Variants in C1orf94 observed in about 807,000 individuals in gnomAD.
The protein encoded by C1orf94 is chromosome 1 open reading frame 94, also known as uncharacterized protein C1orf94.
C1orf94 carries 45 observed loss-of-function variants against 53.6 expected under a neutral mutation model. The ratio of observed to expected loss-of-function variants is 0.84; its 90% CI spans 0.66 to 1.08. The LOEUF (loss-of-function observed/expected upper bound fraction) is 1.08. Among genes scored for constraint, C1orf94 ranks in the 50% least tolerant of loss-of-function variants. The pLI is 0.00. For synonymous variants in C1orf94, 304 were observed against 296.1 expected (o/e 1.03, Z -0.27); for missense variants, 762 against 738.9 (o/e 1.03, Z -0.36).
At chr1:34,170,034 G>A (rs559546927) in intron 1 of C1orf94, among the ~76,000 whole-genome samples, 6 of 152,238 alleles carry the variant, frequency 3.9e-5, no homozygotes, top group African/African-American at 1.2e-4. Context: ...CTTCATTTGT[G>A]TATAAGGAAA....
intron 6 of C1orf94, among the ~76,000 whole-genome samples, chr1:34,213,847 T>A (rs1265888695): frequency 2.6e-5 from 4 of 151,902 alleles, no homozygotes; most frequent in African/African-American, 7.2e-5. Context: ...AGCATCCACA[T>A]CCTTTTAAAA....
At chr1:34,175,963 A>G (rs773186418), upstream of C1orf94, among the ~76,000 whole-genome samples, 1 of 152,066 alleles carries the variant, frequency 6.6e-6, no homozygotes, top group African/African-American at 2.4e-5. Context: ...ATTTTCCATC[A>G]GAGTCCCATT....
At chr1:34,205,829 A>G (rs1189276131) in intron 4 of C1orf94, among the ~76,000 whole-genome samples, 3 of 152,128 alleles carry the variant, frequency 2.0e-5, no homozygotes, top group Non-Finnish European at 4.4e-5. Context: ...TGTGAAAGAC[A>G]AAGTCCCCAA....
chr1:34,197,721 A>C lies in C1orf94; in HGVS notation c.817A>C (p.Asn273His). ...TRVTKDFLQD[N>H]LFSGPGPKEP... ...GGTCACCAAGGACTTCCTACAGGAC[A>C]ACCTGTTCAGTGGCCCTGGACCCAA... Residue 273 changes from asparagine (N) to histidine (H), a missense_variant, in exon 2 of 7, where the codon AAC (asparagine) becomes CAC (histidine). Physicochemically the swap from Asn to His is moderately conservative, Grantham distance 68. Coordinates refer to ENST00000488417, the MANE Select transcript of C1orf94 (RefSeq NM_001134734.2). This position sits in a 1 kb window ranked among gnomAD's most constrained non-coding sequence, Gnocchi z 4.1. The C allele has an allele frequency of 6.2e-7, 1 of 1,614,134 alleles. No homozygotes were observed. The highest frequency in any genetic ancestry group is 8.5e-7 in the Non-Finnish European group (1 of 1,180,018).
At chr1:34,212,536 C>G (rs897795023) in intron 6 of C1orf94, 130 bp downstream of exon 6, 26 of 952,112 alleles carry the variant, frequency 2.7e-5, no homozygotes, top group Non-Finnish European at 3.4e-5. Context: ...GGGCCCTGTA[C>G]CTGTGGCTGG....
upstream of C1orf94, among the ~76,000 whole-genome samples, chr1:34,174,975 G>A (rs1467323841): frequency 6.6e-6 from 1 of 151,960 alleles, no homozygotes; most frequent in African/African-American, 2.4e-5. Context: ...CATAATATGT[G>A]GCTAATGCAA....
rs191358194 is a variant in C1orf94 at position 34,169,512 on chromosome 1, T to C, written c.-251+2341T>C. Among the ~76,000 whole-genome samples the C allele has an allele frequency of 1.2e-3, 186 of 152,182 alleles. No homozygotes were observed. In the Middle Eastern group the frequency reaches 0.014, roughly 11 times the overall value. On this transcript the variant is annotated intron_variant, in intron 1 of 6. Transcript: ENST00000373374. The stretch of plus-strand genomic sequence containing the variant: ...CAAGGCCTGATGCTCTGGAGAACTC[T>C]GCCTCATTCAAGGAGGAGCTGTAGA...
chr1:34,200,798 A>C lies in C1orf94; in HGVS notation c.1036A>C (p.Lys346Gln). The C allele has an allele frequency of 6.2e-7, 1 of 1,614,154 alleles. No individual in the cohort carries two copies. The highest frequency in any genetic ancestry group is 8.5e-7 in the Non-Finnish European group (1 of 1,180,012). The change falls in exon 3 of 7, where the codon AAA becomes CAA. Residue 346 changes from lysine (K) to glutamine (Q), a missense_variant. Transcript: ENST00000488417. ...MEWSPGTKEP[K>Q]KGQGSLFLSQ... Reference sequence around the variant, plus strand: ...ATGGAGCCCTGGCACCAAGGAGCCAAAAAAGGGTCAAGGGAGCCTCTTTCT... The same window carrying C: ...ATGGAGCCCTGGCACCAAGGAGCCACAAAAGGGTCAAGGGAGCCTCTTTCT...
At chr1:34,180,051 G>T (rs1383962314) in intron 1 of C1orf94, among the ~76,000 whole-genome samples, 1 of 152,168 alleles carries the variant, frequency 6.6e-6, no homozygotes, top group Admixed American at 6.5e-5. Context: ...GCGGTGTGCT[G>T]GTGGAGTCAG....
chr1:34,193,523 G>A (rs116834413), intron 1 of C1orf94, among the ~76,000 whole-genome samples: 6 of 152,198 alleles, frequency 3.9e-5, no homozygotes, highest in Admixed American at 2.0e-4. Flanking sequence ...GGATCAGGGA[G>A]ACCTTGCTGG....
rs1343449135 is a variant in C1orf94 at position 34,177,833 on chromosome 1, G to A, written c.44G>A (p.Arg15Lys). ...TGTGTTCTAGCCCTGGGTGGACAGA[G>A]GGGCTTCCAGAAAGAGAGGAGGAGG... Reference protein sequence around the residue: ...GGCVLALGGQRGFQKERRRMA... With the variant: ...GGCVLALGGQKGFQKERRRMA... Residue 15 changes from arginine to lysine, a missense_variant, in exon 1 of 7, where the codon AGG (arginine) becomes AAG (lysine). Arg to Lys is a conservative substitution (Grantham distance 26). Coordinates refer to ENST00000488417, the MANE Select transcript of C1orf94 (RefSeq NM_001134734.2). 6.5e-7 allele frequency: 1 copy of A among 1,549,988 alleles called. No individual in the cohort carries two copies.
chr1:34,194,289 A>T (rs1642544744), intron 1 of C1orf94, among the ~76,000 whole-genome samples: 1 of 152,196 alleles, frequency 6.6e-6, no homozygotes, highest in South Asian at 2.1e-4. Flanking sequence ...TCACAGTCTG[A>T]CCTTGACAGA....
upstream of C1orf94, among the ~76,000 whole-genome samples, chr1:34,175,264 G>A (rs1642208868): frequency 6.6e-6 from 1 of 151,462 alleles, no homozygotes; most frequent in South Asian, 2.1e-4. Context: ...AGGGGGAGAG[G>A]GAACAGGAAG....
rs530883800 is a variant in C1orf94 at position 34,169,272 on chromosome 1, G to A, written c.-251+2101G>A. 5.9e-5 allele frequency among the ~76,000 whole-genome samples: 9 copies of A among 152,282 alleles called. No individual in the cohort carries two copies. The South Asian group carries it at 1.9e-3, about 32-fold the overall frequency. On this transcript the variant is annotated intron_variant, in intron 1 of 6. Transcript: ENST00000373374. The stretch of plus-strand genomic sequence containing the variant: ...AGAGGCAGGAGTCAAAGACATAACA[G>A]CCTACCCGCATCTAGCCTAGGAGAG...
At position 34,201,326 on chromosome 1, in the gene C1orf94, A is replaced by G. The variant is rs143379611; in HGVS notation, c.1270+294A>G. On this transcript the variant is annotated intron_variant, in intron 3 of 6. Coordinates refer to ENST00000488417, the MANE Select transcript of C1orf94 (RefSeq NM_001134734.2). Reference sequence around the variant, plus strand: ...TATCCTCTCAAATTGCCCAAGCCAAAACAAAAGATCCTTGCTTTAGATTAT... The same window carrying G: ...TATCCTCTCAAATTGCCCAAGCCAAGACAAAAGATCCTTGCTTTAGATTAT... Among the ~76,000 whole-genome samples, 1,282 of 152,314 alleles carry G rather than the reference A, an allele frequency of 8.4e-3. 22 individuals are homozygous for G. Among genetic ancestry groups the G allele is most frequent in the African/African-American group, 0.029 (1,200 of 41,562 alleles).
intron 5 of C1orf94, 100 bp from the exon 6 acceptor site, chr1:34,212,110 T>C: frequency 9.4e-7 from 1 of 1,068,170 alleles, no homozygotes; most frequent in Non-Finnish European, 1.3e-6. Flanking sequence ...TACCCAGCAG[T>C]GACTGAGGAG....
intron 4 of C1orf94, among the ~76,000 whole-genome samples, chr1:34,202,682 G>C (rs546344735): frequency 6.6e-6 from 1 of 152,278 alleles, no homozygotes; most frequent in South Asian, 2.1e-4. Context: ...TTCCTTTGAA[G>C]TTGGATGACA....
At chr1:34,185,763 C>T (rs1221254447) in intron 1 of C1orf94, among the ~76,000 whole-genome samples, 1 of 152,230 alleles carries the variant, frequency 6.6e-6, no homozygotes, top group East Asian at 1.9e-4. Context: ...TCTTCTGAAG[C>T]AGGTCAACAG....
At chr1:34,196,717 G>A (rs993513258) in intron 1 of C1orf94, among the ~76,000 whole-genome samples, 7 of 152,132 alleles carry the variant, frequency 4.6e-5, no homozygotes, top group Non-Finnish European at 8.8e-5. Flanking sequence ...CAGGGTGTAA[G>A]CTTAGGCTGT....
Sources: allele counts gnomAD v4.1 joint callset (sites outside exome capture counted in the v4.1 genomes callset), GRCh38; gene constraint gnomAD v4.1.1; non-coding constraint Gnocchi (gnomAD v3.1); transcripts MANE v1.5; gene names NCBI Gene and HGNC (gene_info 2026-07-23, HGNC 2026-07-21).